Variants in PUDP observed in about 807,000 individuals in gnomAD.
The protein encoded by PUDP is pseudouridine-5'-phosphatase.
In PUDP, 8 loss-of-function variants were observed where a neutral mutation model predicts 9.4. The ratio of observed to expected loss-of-function variants is 0.85; its 90% CI spans 0.50 to 1.53. The LOEUF (loss-of-function observed/expected upper bound fraction) is 1.53. Ranked by LOEUF, PUDP falls within the 40% of genes most tolerant of loss-of-function variation. The pLI, the probability that PUDP is intolerant of heterozygous loss-of-function variation, is 0.00. For synonymous variants in PUDP, 99 were observed against 80.7 expected, an observed-to-expected ratio of 1.23 and a Z score of -1.22; for missense variants, 188 against 189.7, an observed-to-expected ratio of 0.99 and a Z score of 0.05.
chrX:7,022,653 G>T (rs962453509), intron 1 of PUDP, among the ~76,000 whole-genome samples: 2 of 111,856 alleles, frequency 1.8e-5, no homozygotes, highest in Admixed American at 9.5e-5. Context: ...CTCATGTGAA[G>T]AATTACAGCA....
chrX:7,091,070 A>G (rs1488468684), intron 2 of PUDP, among the ~76,000 whole-genome samples: 12 of 112,253 alleles, frequency 1.1e-4, no homozygotes, highest in African/African-American at 3.9e-4. Flanking sequence ...CAAAGGGTCA[A>G]TGGTGACTCC....
intron 3 of PUDP, among the ~76,000 whole-genome samples, chrX:6,761,157 G>A (rs768636023): frequency 8.9e-6 from 1 of 112,042 alleles, no homozygotes; most frequent in Admixed American, 9.4e-5. Flanking sequence ...TGCCTAGGAC[G>A]GCACATGGTA....
At chrX:7,027,581 G>A (rs1322083171) in intron 1 of PUDP, among the ~76,000 whole-genome samples, 2 of 101,263 alleles carry the variant, frequency 2.0e-5, no homozygotes, top group Non-Finnish European at 3.9e-5. Context: ...GATATATAGA[G>A]AGAATATAGA....
At chrX:6,853,407 G>C (rs367894175) in intron 3 of PUDP, among the ~76,000 whole-genome samples, 1 of 109,475 alleles carries the variant, frequency 9.1e-6, no homozygotes, top group Non-Finnish European at 1.9e-5. Flanking sequence ...TCCATGAACA[G>C]TAAGTGGTCT....
At chrX:7,137,784 G>GT (rs1188487750) in intron 1 of PUDP, among the ~76,000 whole-genome samples, 1 of 111,985 alleles carries the variant, frequency 8.9e-6, no homozygotes, top group East Asian at 2.8e-4. Context: ...CTCTTCGAAG[G>GT]GTGCACAGCA....
chrX:6,900,739 G>A (rs1321424103), intron 3 of PUDP, among the ~76,000 whole-genome samples: 1 of 107,400 alleles, frequency 9.3e-6, no homozygotes, highest in Non-Finnish European at 1.9e-5. Flanking sequence ...CTGAGGACAC[G>A]AGGGCATACC....
chrX:7,016,131 G>T (rs1170498816), intron 1 of PUDP, among the ~76,000 whole-genome samples: 2 of 106,725 alleles, frequency 1.9e-5, no homozygotes, highest in African/African-American at 6.9e-5. Flanking sequence ...AGGAGTTCAA[G>T]ACCAGCCCGG....
At position 6,990,377 on chromosome X, in the gene PUDP, A is replaced by G. The variant is rs772486699; in HGVS notation, c.205-12034T>C. Among the ~76,000 whole-genome samples, 5 of 111,756 alleles carry G rather than the reference A, an allele frequency of 4.5e-5. No homozygotes were observed. The East Asian group carries it at 8.5e-4, about 19-fold the overall frequency. On this transcript the variant is annotated intron_variant and NMD_transcript_variant, in intron 1 of 3. Transcript: ENST00000655425. ...CCATCTATCCCAAAGGTCTAGGGGT[A>G]CATCAATATCAAGGGCCATGTCTTT... is the stretch of plus-strand genomic sequence containing the variant.
intron 3 of PUDP, among the ~76,000 whole-genome samples, chrX:7,075,430 G>A (rs748806559): frequency 2.4e-4 from 27 of 111,532 alleles, no homozygotes; most frequent in South Asian, 1.5e-3. Flanking sequence ...GCTTGAACCC[G>A]GGAGGTGGAG....
At chrX:7,128,511 G>T (rs188135413) in intron 1 of PUDP, among the ~76,000 whole-genome samples, 13 of 111,700 alleles carry the variant, frequency 1.2e-4, no homozygotes, top group Non-Finnish European at 2.3e-4. Context: ...CACCATGCCT[G>T]TGTGTGTAAG....
At chrX:6,842,783 G>A (rs1003808561) in intron 3 of PUDP, among the ~76,000 whole-genome samples, 2 of 112,067 alleles carry the variant, frequency 1.8e-5, no homozygotes, top group Non-Finnish European at 3.8e-5. Flanking sequence ...AATATAAAAT[G>A]ACTTCACTAT....
chrX:7,016,727 G>A lies in PUDP; in HGVS notation c.205-38384C>T, dbSNP rs113042734. ...TTCTCTGCTCATGGAGCACTGGAAG[G>A]AAGTATCTTTTTGGGTGCTGGACAG... On this transcript the variant is annotated intron_variant and NMD_transcript_variant, in intron 1 of 3. Transcript: ENST00000655425. Among the ~76,000 whole-genome samples, 172 of 110,925 alleles carry A rather than the reference G, an allele frequency of 1.6e-3. 1 individual carries two copies. Among genetic ancestry groups the A allele is most frequent in the African/African-American group, 5.3e-3 (162 of 30,398 alleles).
chrX:6,996,571 C>T (rs183707889), intron 1 of PUDP, among the ~76,000 whole-genome samples: 78 of 106,569 alleles, frequency 7.3e-4, no homozygotes, highest in African/African-American at 2.6e-3. Context: ...TATATATACA[C>T]ATATATATGT....
At chrX:6,748,663 C>A (rs1029489749) in intron 3 of PUDP, among the ~76,000 whole-genome samples, 2 of 111,512 alleles carry the variant, frequency 1.8e-5, no homozygotes, top group African/African-American at 3.3e-5. Flanking sequence ...ATGCAGAGAC[C>A]ATGCAAGAAT....
At chrX:6,839,216 C>G (rs1477742731) in intron 3 of PUDP, among the ~76,000 whole-genome samples, 1 of 111,656 alleles carries the variant, frequency 9.0e-6, no homozygotes, top group Non-Finnish European at 1.9e-5. Flanking sequence ...GGGAGTGCGG[C>G]AAACTGATTA....
intron 3 of PUDP, among the ~76,000 whole-genome samples, chrX:6,807,904 C>T (rs755685873): frequency 2.7e-5 from 3 of 111,667 alleles, no homozygotes; most frequent in African/African-American, 9.8e-5. Flanking sequence ...CATTTGTCAA[C>T]GAGGATAGAC....
At chrX:7,138,047 G>C (rs1352299996) in intron 1 of PUDP, among the ~76,000 whole-genome samples, 1 of 111,984 alleles carries the variant, frequency 8.9e-6, no homozygotes, top group African/African-American at 3.3e-5. Context: ...CCCCAAAAAG[G>C]TGACGAAGGG....
At chrX:7,057,717 TCAGAG>T (rs1166301988) in intron 3 of PUDP, 1 of 1,153,370 alleles carries the variant, frequency 8.7e-7, no homozygotes, top group Non-Finnish European at 1.1e-6. Context: ...TCAGGTGTCA[TCAGAG>T]CAGAGAAGCA....
chrX:6,748,543 A>G (rs1351066140), intron 3 of PUDP, among the ~76,000 whole-genome samples: 1 of 111,516 alleles, frequency 9.0e-6, no homozygotes. Context: ...CTAGGAGGAG[A>G]GCATGCTGTT....
Sources: allele counts gnomAD v4.1 joint callset (sites outside exome capture counted in the v4.1 genomes callset), GRCh38; gene constraint gnomAD v4.1.1; transcripts MANE v1.5; gene names NCBI Gene and HGNC (gene_info 2026-07-23, HGNC 2026-07-21).